Variants in PANK1 observed in about 807,000 individuals in gnomAD.
PANK1 encodes pantothenic acid kinase 1.
In PANK1, 18 loss-of-function variants were observed where a neutral mutation model predicts 40.1. That is an observed-to-expected ratio of 0.45 (90% CI 0.31 to 0.67). PANK1 has a LOEUF of 0.67. PANK1 is among the 30% of genes least tolerant of loss of function. The pLI is 0.06. For missense variants in PANK1, 457 were observed against 599.6 expected (o/e 0.76, Z 2.48); for synonymous variants, 242 against 237.7 (o/e 1.02, Z -0.17).
At chr10:89,643,679 A>T in intron 1 of PANK1, 1 of 1,569,538 alleles carries the variant, frequency 6.4e-7, no homozygotes, top group Non-Finnish European at 8.8e-7. Context: ...GTCATTTATT[A>T]GCATTTACTG....
chr10:89,643,659 T>G, intron 1 of PANK1: 1 of 1,484,254 alleles, frequency 6.7e-7, no homozygotes, highest in Admixed American at 1.7e-5. Context: ...ATAACCTCTA[T>G]GCAAATGCAG....
chr10:89,643,668 A>T, intron 1 of PANK1: 1 of 1,509,996 alleles, frequency 6.6e-7, no homozygotes, highest in Non-Finnish European at 9.2e-7. Flanking sequence ...ATGCAAATGC[A>T]GTCATTTATT....
At chr10:89,593,155 A>C (rs542020140) in intron 5 of PANK1, 42 bp downstream of exon 5, 1 of 1,603,156 alleles carries the variant, frequency 6.2e-7, no homozygotes, top group South Asian at 1.1e-5. Flanking sequence ...GATGATGTAT[A>C]TGAATGACAC....
At chr10:89,636,096 G>C in intron 1 of PANK1, among the ~76,000 whole-genome samples, 1 of 152,126 alleles carries the variant, frequency 6.6e-6, no homozygotes, top group East Asian at 1.9e-4. Context: ...ATGCTGGTAG[G>C]TCTAGAGTTC....
In PANK1 at chr10:89,644,996, T is replaced by C; in HGVS notation, c.-105A>G. On this transcript the variant is annotated 5_prime_UTR_variant, in exon 1 of 7. Coordinates refer to ENST00000307534, the MANE Select transcript of PANK1 (RefSeq NM_148977.3). ...CCGGATCCTCCCTGCGGCTTCCGAT[T>C]CAGCAGCCGCAGAGCCGGCGCCTGG... 1 of 1,570,410 alleles carries C rather than the reference T, an allele frequency of 6.4e-7. No individual in the cohort carries two copies. Among genetic ancestry groups the C allele is most frequent in the Middle Eastern group, 1.9e-4 (1 of 5,354 alleles).
chr10:89,595,836 ATATATATATATATAT>A (rs1844572790), intron 3 of PANK1, among the ~76,000 whole-genome samples: 4 of 46,314 alleles, frequency 8.6e-5, no homozygotes, highest in Non-Finnish European at 1.5e-4. Flanking sequence ...AAAAAAAAAT[ATATATATATATATAT>A]ATATATATAT....
chr10:89,585,192 G>C (rs141808358), intron 6 of PANK1, among the ~76,000 whole-genome samples: 119 of 152,216 alleles, frequency 7.8e-4, no homozygotes, highest in African/African-American at 2.6e-3. Flanking sequence ...ATCTCACATG[G>C]CTGGATTACG....
intron 1 of PANK1, chr10:89,626,190 TACAG>T (rs1190965789): frequency 2.6e-5 from 4 of 152,098 alleles, no homozygotes; most frequent in Admixed American, 1.3e-4. Context: ...AAAATACACT[TACAG>T]ACAGCTATGG....
At chr10:89,592,298 G>A (rs1338785067) in intron 5 of PANK1, among the ~76,000 whole-genome samples, 1 of 152,170 alleles carries the variant, frequency 6.6e-6, no homozygotes, top group Non-Finnish European at 1.5e-5. Flanking sequence ...CATAAAGACT[G>A]CCTCATACAC....
intron 1 of PANK1, among the ~76,000 whole-genome samples, chr10:89,622,769 G>A (rs1023197163): frequency 3.3e-5 from 5 of 151,824 alleles, no homozygotes; most frequent in African/African-American, 9.7e-5. Context: ...CCTGGGAGGC[G>A]GAGCTTGCAG....
At chr10:89,601,757 C>G (rs186256426) in intron 2 of PANK1, among the ~76,000 whole-genome samples, 1 of 152,104 alleles carries the variant, frequency 6.6e-6, no homozygotes, top group African/African-American at 2.4e-5. Context: ...TCTTTTTTTA[C>G]CAAGTGAAAC....
downstream of PANK1, chr10:89,579,502 T>C (rs1844015186): frequency 1.3e-5 from 2 of 152,208 alleles, no homozygotes; most frequent in South Asian, 2.1e-4. Flanking sequence ...ATATATTATT[T>C]TACGTGATAA....
chr10:89,582,063 G>T (rs867903266), downstream of PANK1: 3 of 151,902 alleles, frequency 2.0e-5, no homozygotes, highest in Non-Finnish European at 1.5e-5. Context: ...CATTTACTTT[G>T]TGTCAACCCC....
At chr10:89,595,816 T>TAAA (rs1192374008) in intron 3 of PANK1, among the ~76,000 whole-genome samples, 476 of 40,820 alleles carry the variant, frequency 0.012, 19 homozygotes, top group Non-Finnish European at 0.014. Flanking sequence ...GACTCCATCT[T>TAAA]AAAAAAAAAA....
chr10:89,629,497 G>A (rs2133013468), intron 1 of PANK1, among the ~76,000 whole-genome samples: 1 of 152,294 alleles, frequency 6.6e-6, no homozygotes, highest in East Asian at 1.9e-4. Context: ...ACACCATGAA[G>A]AGTGAGATTT....
intron 1 of PANK1, among the ~76,000 whole-genome samples, chr10:89,620,994 A>C (rs1010538169): frequency 6.6e-6 from 1 of 152,204 alleles, no homozygotes; most frequent in East Asian, 1.9e-4. Flanking sequence ...AAGGACGTCC[A>C]CAAGTTTTAA....
chr10:89,585,659 GA>G (rs1458767039), intron 6 of PANK1, among the ~76,000 whole-genome samples: 1 of 152,208 alleles, frequency 6.6e-6, no homozygotes, highest in Non-Finnish European at 1.5e-5. Flanking sequence ...TGGAGAGACA[GA>G]GTCATTGTCT....
chr10:89,642,187 C>T (rs935090064), intron 1 of PANK1, among the ~76,000 whole-genome samples: 7 of 152,098 alleles, frequency 4.6e-5, no homozygotes, highest in Non-Finnish European at 1.0e-4. Flanking sequence ...TGAATAGTCT[C>T]GGCACTGAGA....
intron 2 of PANK1, among the ~76,000 whole-genome samples, chr10:89,611,120 T>C (rs1434206356): frequency 6.6e-6 from 1 of 152,256 alleles, no homozygotes; most frequent in African/African-American, 2.4e-5. Flanking sequence ...ATCCTTACTA[T>C]ATAAAATTAT....
Sources: allele counts gnomAD v4.1 joint callset (sites outside exome capture counted in the v4.1 genomes callset), GRCh38; gene constraint gnomAD v4.1.1; transcripts MANE v1.5; gene names NCBI Gene and HGNC (gene_info 2026-07-23, HGNC 2026-07-21).